Variants in SNX9 observed in about 807,000 individuals in gnomAD.
The protein encoded by SNX9 is sorting nexin-9.
A neutral mutation model predicts 89.4 loss-of-function variants in SNX9; 44 were observed. The ratio of observed to expected loss-of-function variants is 0.49; its 90% CI spans 0.39 to 0.63. The LOEUF is 0.63. Among genes scored for constraint, SNX9 ranks in the 30% least tolerant of loss-of-function variants. The pLI, the probability that SNX9 is intolerant of heterozygous loss-of-function variation, is 0.00. For synonymous variants in SNX9, 236 were observed against 247.8 expected, an observed-to-expected ratio of 0.95 and a Z score of 0.45; for missense variants, 578 against 736.1, an observed-to-expected ratio of 0.79 and a Z score of 2.49.
At chr6:157,859,742 T>A (rs1344446746) in intron 1 of SNX9, among the ~76,000 whole-genome samples, 1 of 152,250 alleles carries the variant, frequency 6.6e-6, no homozygotes, top group African/African-American at 2.4e-5. Context: ...TATTCTTTAA[T>A]GAACTGTTTG....
In SNX9 at chr6:157,945,072, T is replaced by C. The variant is rs897907249; in HGVS notation, c.*2234T>C. ...TACAATCACATAACTTTTACAAATATAGTGGAAAAAAAGTCAGTATTTGGA... is the reference window on the plus strand; with the variant it reads ...TACAATCACATAACTTTTACAAATACAGTGGAAAAAAAGTCAGTATTTGGA... On this transcript the variant is annotated 3_prime_UTR_variant, in exon 18 of 18. Transcript: ENST00000392185. 5 of 152,150 alleles carry C rather than the reference T, an allele frequency of 3.3e-5. No homozygotes were observed. Among genetic ancestry groups the C allele is most frequent in the African/African-American group, 1.2e-4 (5 of 41,440 alleles). 9.4% of individuals were successfully genotyped at this position (152,150 alleles called of 1,614,324 possible). A position where few individuals can be genotyped will look rare whatever the true frequency, so the allele number is the denominator to read the frequency against.
chr6:157,932,634 G>A (rs1041902343), intron 13 of SNX9, among the ~76,000 whole-genome samples: 5 of 151,962 alleles, frequency 3.3e-5, no homozygotes, highest in Non-Finnish European at 7.4e-5. Context: ...GGGAGGCTGA[G>A]GTGGGCAAAT....
intron 17 of SNX9, 89 bp downstream of exon 17, chr6:157,941,063 A>T (rs1784026505): frequency 2.5e-6 from 3 of 1,176,650 alleles, no homozygotes; most frequent in Middle Eastern, 1.9e-4. Flanking sequence ...ATCTGTTTGT[A>T]TTCTTTAATC....
At chr6:157,928,040 A>G (rs192617757) in intron 11 of SNX9, among the ~76,000 whole-genome samples, 1 of 152,282 alleles carries the variant, frequency 6.6e-6, no homozygotes, top group East Asian at 1.9e-4. Flanking sequence ...ATGTAATTAT[A>G]GGAAAGATTG....
In SNX9 at chr6:157,913,113, G is replaced by A. The variant is rs868403543; in HGVS notation, c.949+3088G>A. The stretch of plus-strand genomic sequence containing the variant: ...TATCCCAGGTCCAGACTGGCTTTCC[G>A]GCCAGGAGGTGAATTGTCTTTTTTC... On this transcript the variant is annotated intron_variant, in intron 9 of 17. Coordinates refer to ENST00000392185, the MANE Select transcript of SNX9 (RefSeq NM_016224.5). Among the ~76,000 whole-genome samples, 4 of 152,142 alleles carry A rather than the reference G, an allele frequency of 2.6e-5. No homozygotes were observed. The South Asian group carries it at 6.2e-4, about 24-fold the overall frequency.
chr6:157,891,846 T>C (rs1490058883), intron 4 of SNX9, among the ~76,000 whole-genome samples: 2 of 152,050 alleles, frequency 1.3e-5, no homozygotes, highest in Non-Finnish European at 2.9e-5. Context: ...AGCAGAGATG[T>C]AGAAAAGTTT....
At chr6:157,883,703 G>A (rs1240988295) in intron 4 of SNX9, among the ~76,000 whole-genome samples, 1 of 151,946 alleles carries the variant, frequency 6.6e-6, no homozygotes, top group Non-Finnish European at 1.5e-5. Flanking sequence ...TGTACCTTTG[G>A]CTTGCTCTTC....
intron 1 of SNX9, among the ~76,000 whole-genome samples, chr6:157,846,274 T>C (rs1355098471): frequency 2.0e-5 from 3 of 152,252 alleles, no homozygotes; most frequent in Non-Finnish European, 4.4e-5. Flanking sequence ...TAACTCTCTT[T>C]GGCAGTCTTA....
At chr6:157,892,449 G>A (rs1345271349) in intron 4 of SNX9, among the ~76,000 whole-genome samples, 3 of 151,256 alleles carry the variant, frequency 2.0e-5, no homozygotes. Flanking sequence ...GAGTTGGGTT[G>A]AAACAAGATA....
rs1583238767 is a variant in SNX9, at chr6:157,921,812, A to G, written c.1080+151A>G. 6 of 951,066 alleles carry G rather than the reference A, an allele frequency of 6.3e-6. No individual in the cohort carries two copies. In the South Asian group the frequency reaches 9.0e-5, roughly 14 times the overall value. The allele number at this position is 951,066 out of a possible 1,614,324, so 58.9% of individuals were successfully genotyped here. On this transcript the variant is annotated intron_variant, in intron 10 of 17. Transcript: ENST00000392185. ...GGGGACAGAAACCTAAATCCCCACCATAGGAAATTTGTCATGATGTGTGAA... is the reference window on the plus strand; with the variant it reads ...GGGGACAGAAACCTAAATCCCCACCGTAGGAAATTTGTCATGATGTGTGAA...
At chr6:157,828,503 T>G (rs868629189) in intron 1 of SNX9, among the ~76,000 whole-genome samples, 10 of 152,136 alleles carry the variant, frequency 6.6e-5, no homozygotes, top group Non-Finnish European at 1.5e-4. Flanking sequence ...TATTATTATT[T>G]TTTTTTTGGA....
At chr6:157,916,120 C>T (rs1783466044) in intron 9 of SNX9, among the ~76,000 whole-genome samples, 1 of 151,856 alleles carries the variant, frequency 6.6e-6, no homozygotes, top group Admixed American at 6.6e-5. Flanking sequence ...CTGCAAGCTC[C>T]ACCTCCTGGG....
At chr6:157,886,957 C>T (rs1428422851) in intron 4 of SNX9, among the ~76,000 whole-genome samples, 1 of 151,996 alleles carries the variant, frequency 6.6e-6, no homozygotes, top group Admixed American at 6.6e-5. Context: ...CTCTCTTGCT[C>T]TTAAATAGTG....
At chr6:157,908,057 T>G (rs1440701761) in intron 7 of SNX9, among the ~76,000 whole-genome samples, 1 of 152,192 alleles carries the variant, frequency 6.6e-6, no homozygotes, top group Non-Finnish European at 1.5e-5. Context: ...CCTCTGAACT[T>G]TAATATCCCA....
At chr6:157,875,759 CTAGTT>C (rs575042603) in intron 4 of SNX9, among the ~76,000 whole-genome samples, 67 of 152,206 alleles carry the variant, frequency 4.4e-4, no homozygotes, top group Admixed American at 5.2e-4. Context: ...TAAAATTTGA[CTAGTT>C]TAGGTGAATT....
rs1266543701 is a variant in SNX9, at chr6:157,823,555, C to G, written c.12+109C>G. The stretch of plus-strand genomic sequence containing the variant: ...GTCGGGGCCAGGGGTGGTCGAGGGG[C>G]CACTCCGCTTCCTCGGTGGAGTCCC... On this transcript the variant is annotated intron_variant, in intron 1 of 17. Coordinates refer to ENST00000392185, the MANE Select transcript of SNX9 (RefSeq NM_016224.5). This position sits in a 1 kb window ranked among gnomAD's most constrained non-coding sequence, Gnocchi z 4.6. 3 of 951,074 alleles carry G rather than the reference C, an allele frequency of 3.2e-6. No individual in the cohort carries two copies. The highest frequency in any genetic ancestry group is 4.0e-6 in the Non-Finnish European group (3 of 755,990). 58.9% of individuals were successfully genotyped at this position (951,074 alleles called of 1,614,324 possible).
At chr6:157,931,611 C>T (rs917070818) in intron 12 of SNX9, among the ~76,000 whole-genome samples, 1 of 152,150 alleles carries the variant, frequency 6.6e-6, no homozygotes, top group Non-Finnish European at 1.5e-5. Context: ...AAACTCAGAC[C>T]CCTCTTCCCT....
At chr6:157,861,639 T>C (rs571254250) in intron 1 of SNX9, among the ~76,000 whole-genome samples, 1 of 152,208 alleles carries the variant, frequency 6.6e-6, no homozygotes, top group Non-Finnish European at 1.5e-5. Context: ...GCTGTGGAAA[T>C]CACTGATATG....
intron 10 of SNX9, among the ~76,000 whole-genome samples, chr6:157,922,989 G>A (rs1783614012): frequency 6.6e-6 from 1 of 152,184 alleles, no homozygotes; most frequent in Non-Finnish European, 1.5e-5. Flanking sequence ...GATTTTCCAA[G>A]GATTTGATTT....
Sources: gnomAD v4.1 joint callset for allele counts (sites outside exome capture counted in the v4.1 genomes callset) on GRCh38, gnomAD v4.1.1 for gene constraint, Gnocchi (gnomAD v3.1) non-coding constraint, MANE v1.5 for transcripts, NCBI Gene and HGNC (gene_info 2026-07-23, HGNC 2026-07-21) for gene names.